Variants in LYPLAL1 observed in about 807,000 individuals in gnomAD.
LYPLAL1 encodes lysophospholipase-like protein 1.
Under a neutral mutation model 19.7 loss-of-function variants are expected in LYPLAL1, and 23 were observed. The observed-to-expected ratio is 1.17, with a 90% CI of 0.84 to 1.65. The LOEUF (loss-of-function observed/expected upper bound fraction) is 1.65. Among genes scored for constraint, LYPLAL1 ranks in the 40% most tolerant of loss-of-function variants. LYPLAL1 has a pLI of 0.00. For missense variants in LYPLAL1, 355 were observed against 279.4 expected, an observed-to-expected ratio of 1.27 and a Z score of -1.93; for synonymous variants, 119 against 96.3, an observed-to-expected ratio of 1.24 and a Z score of -1.38.
the LYPLAL1 span, among the ~76,000 whole-genome samples, chr1:219,283,098 C>A: frequency 6.6e-6 from 1 of 152,014 alleles, no homozygotes; most frequent in Admixed American, 6.6e-5. Flanking sequence ...TACTACAAGG[C>A]AGCACAGAGT....
chr1:219,327,005 G>A, the LYPLAL1 span, among the ~76,000 whole-genome samples: 10 of 152,086 alleles, frequency 6.6e-5, no homozygotes, highest in South Asian at 2.1e-4. Flanking sequence ...AGGCTGAGGC[G>A]GGGGAATCGC....
At chr1:219,426,954 G>T in the LYPLAL1 span, among the ~76,000 whole-genome samples, 1 of 152,142 alleles carries the variant, frequency 6.6e-6, no homozygotes, top group Non-Finnish European at 1.5e-5. Flanking sequence ...TGATTATCTT[G>T]CCCAAAGGCA....
the LYPLAL1 span, among the ~76,000 whole-genome samples, chr1:219,416,435 C>T: frequency 4.1e-4 from 63 of 152,100 alleles, no homozygotes; most frequent in African/African-American, 1.1e-3. Flanking sequence ...CTTGGCTTTG[C>T]CTAGTAAAGA....
At chr1:219,257,319 A>G in the LYPLAL1 span, among the ~76,000 whole-genome samples, 1 of 148,722 alleles carries the variant, frequency 6.7e-6, no homozygotes, top group Non-Finnish European at 1.5e-5. Context: ...TTGCTATAAA[A>G]TCTACTTTGG....
chr1:219,274,928 CA>C, the LYPLAL1 span, among the ~76,000 whole-genome samples: 1 of 152,156 alleles, frequency 6.6e-6, no homozygotes, highest in South Asian at 2.1e-4. Context: ...TACTATTCTT[CA>C]AAGGTAACTC....
chr1:219,257,840 T>C, the LYPLAL1 span, among the ~76,000 whole-genome samples: 1 of 151,982 alleles, frequency 6.6e-6, no homozygotes. Context: ...TTCCTCACCC[T>C]AGCGAATCTG....
the LYPLAL1 span, among the ~76,000 whole-genome samples, chr1:219,267,219 T>G: frequency 6.6e-6 from 1 of 152,116 alleles, no homozygotes; most frequent in African/African-American, 2.4e-5. Flanking sequence ...AGAGAACACA[T>G]GGTCATTTCA....
the LYPLAL1 span, among the ~76,000 whole-genome samples, chr1:219,419,804 A>G: frequency 6.6e-6 from 1 of 152,182 alleles, no homozygotes; most frequent in Admixed American, 6.5e-5. Context: ...AGGCAGATAC[A>G]GGTAAACAAC....
chr1:219,316,116 G>C, the LYPLAL1 span, among the ~76,000 whole-genome samples: 1 of 152,128 alleles, frequency 6.6e-6, no homozygotes, highest in East Asian at 1.9e-4. Context: ...GTTGATGAAG[G>C]CTGGTATTAG....
chr1:219,349,427 G>A, the LYPLAL1 span, among the ~76,000 whole-genome samples: 12 of 152,178 alleles, frequency 7.9e-5, no homozygotes, highest in East Asian at 1.9e-4. Context: ...CTATGAGAGA[G>A]ATGTGAACAG....
At chr1:219,397,875 G>T in the LYPLAL1 span, among the ~76,000 whole-genome samples, 1 of 152,080 alleles carries the variant, frequency 6.6e-6, no homozygotes, top group African/African-American at 2.4e-5. Flanking sequence ...GTTGCATATT[G>T]CTCCCCAGTC....
chr1:219,174,613 A>T (rs7527028), intron 1 of LYPLAL1, among the ~76,000 whole-genome samples: 10 of 152,042 alleles, frequency 6.6e-5, no homozygotes. Context: ...ATCTTCCACT[A>T]CCTGCCCTTA....
the LYPLAL1 span, among the ~76,000 whole-genome samples, chr1:219,268,223 T>C: frequency 1.3e-5 from 2 of 150,150 alleles, no homozygotes; most frequent in African/African-American, 4.9e-5. Context: ...TGGTAAATGC[T>C]AAGAAGACAA....
the LYPLAL1 span, among the ~76,000 whole-genome samples, chr1:219,370,034 G>T: frequency 2.6e-5 from 4 of 152,204 alleles, no homozygotes; most frequent in Non-Finnish European, 5.9e-5. Flanking sequence ...TGACTCTGTG[G>T]CTCCGTCCTG....
At chr1:219,306,980 C>G in the LYPLAL1 span, among the ~76,000 whole-genome samples, 39 of 149,200 alleles carry the variant, frequency 2.6e-4, no homozygotes, top group African/African-American at 9.6e-4. Context: ...GCTGGTAATA[C>G]AATTTTTGGC....
chr1:219,438,491 TAAC>T, the LYPLAL1 span, among the ~76,000 whole-genome samples: 34 of 152,348 alleles, frequency 2.2e-4, no homozygotes, highest in Middle Eastern at 3.4e-3. Flanking sequence ...TGCAAATAAC[TAAC>T]AAGAAGGACT....
intron 2 of LYPLAL1, among the ~76,000 whole-genome samples, chr1:219,180,130 G>T (rs1014540932): frequency 2.0e-5 from 3 of 152,150 alleles, no homozygotes; most frequent in African/African-American, 7.2e-5. Flanking sequence ...CTGCCTAGCT[G>T]AGAATACAGG....
At chr1:219,445,095 T>A in the LYPLAL1 span, among the ~76,000 whole-genome samples, 1 of 152,096 alleles carries the variant, frequency 6.6e-6, no homozygotes, top group East Asian at 1.9e-4. Flanking sequence ...GACTTTCAGT[T>A]TTCTACATGC....
the LYPLAL1 span, among the ~76,000 whole-genome samples, chr1:219,254,771 T>G: frequency 1.3e-5 from 2 of 152,074 alleles, no homozygotes; most frequent in African/African-American, 4.8e-5. Context: ...TCTTCTTGTG[T>G]AGAATCTTGC....
Sources: gnomAD v4.1 joint callset for allele counts (sites outside exome capture counted in the v4.1 genomes callset) on GRCh38, gnomAD v4.1.1 for gene constraint, MANE v1.5 for transcripts, NCBI Gene and HGNC (gene_info 2026-07-23, HGNC 2026-07-21) for gene names.